The following JAZF1 variants were observed in gnomAD, a reference collection of about 807,000 sequenced individuals.
The protein encoded by JAZF1 is JAZF zinc finger 1.
In JAZF1, 8 loss-of-function variants were observed where a neutral mutation model predicts 26.4. The ratio of observed to expected loss-of-function variants is 0.30; its 90% CI spans 0.18 to 0.55. JAZF1 has a LOEUF of 0.55. Among genes scored for constraint, JAZF1 ranks in the 20% least tolerant of loss-of-function variants. The probability of loss-of-function intolerance (pLI) is 0.94; values close to 1 mark genes in which losing one functional copy is unlikely to be tolerated. For synonymous variants in JAZF1, 126 were observed against 122.3 expected (o/e 1.03, Z -0.20); for missense variants, 199 against 322.0 (o/e 0.62, Z 2.92).
At chr7:28,049,043 T>TCCCTC (rs1417336270) in intron 1 of JAZF1, among the ~76,000 whole-genome samples, 2 of 37,426 alleles carry the variant, frequency 5.3e-5, no homozygotes, top group African/African-American at 2.2e-4. Context: ...TCCCCTTCCC[T>TCCCTC]CCCTCCCCTC....
intron 1 of JAZF1, among the ~76,000 whole-genome samples, chr7:28,063,857 G>A (rs1783837213): frequency 6.6e-6 from 1 of 152,142 alleles, no homozygotes; most frequent in African/African-American, 2.4e-5. Flanking sequence ...GAGGTTGCCT[G>A]AATAAATAGT....
chr7:27,973,827 G>C (rs1304566962), intron 2 of JAZF1, among the ~76,000 whole-genome samples: 1 of 152,170 alleles, frequency 6.6e-6, no homozygotes, highest in East Asian at 1.9e-4. Flanking sequence ...TACAGCTCTA[G>C]TGATGGCAGC....
chr7:28,073,694 C>T (rs1180828550), intron 1 of JAZF1, among the ~76,000 whole-genome samples: 3 of 152,048 alleles, frequency 2.0e-5, no homozygotes, highest in Admixed American at 6.5e-5. Context: ...CTGCCCGGGG[C>T]AGTGCTGGCT....
chr7:27,961,632 A>G (rs1221376918), intron 2 of JAZF1, among the ~76,000 whole-genome samples: 2 of 152,266 alleles, frequency 1.3e-5, no homozygotes, highest in Non-Finnish European at 2.9e-5. Context: ...GAAAGAAGGA[A>G]AAAGGGACAG....
At position 28,092,306 on chromosome 7, in the gene JAZF1, A is replaced by C. The variant is rs995099450; in HGVS notation, c.115+88157T>G. ...GACAAAAGGCAAAAAAAAAAAAAAA[A>C]AAAAAAAAAAAAAAAAAAAACAACT... On this transcript the variant is annotated intron_variant, in intron 1 of 4. Coordinates refer to ENST00000283928, the MANE Select transcript of JAZF1 (RefSeq NM_175061.4). Among the ~76,000 whole-genome samples the C allele has an allele frequency of 1.8e-4, 25 of 139,324 alleles. No homozygotes were observed. The South Asian group carries it at 3.2e-3, about 18-fold the overall frequency. The allele number at this position is 139,324 out of a possible 152,430, so 91.4% of individuals were successfully genotyped here.
At chr7:27,866,851 G>T (rs1783482176) in intron 3 of JAZF1, among the ~76,000 whole-genome samples, 1 of 152,166 alleles carries the variant, frequency 6.6e-6, no homozygotes, top group Non-Finnish European at 1.5e-5. Flanking sequence ...GGAGACCTGG[G>T]GATAAAGAAG....
At chr7:28,039,261 G>A (rs941049071) in intron 1 of JAZF1, among the ~76,000 whole-genome samples, 4 of 151,922 alleles carry the variant, frequency 2.6e-5, no homozygotes, top group African/African-American at 7.3e-5. Flanking sequence ...ACGCACATGC[G>A]CACGTGCATA....
chr7:27,897,938 G>A (rs62451115), intron 2 of JAZF1, among the ~76,000 whole-genome samples: 6,893 of 152,308 alleles, frequency 0.045, 218 homozygotes, highest in South Asian at 0.087. Flanking sequence ...GTTGGCAGAC[G>A]GGGCAATAAC....
intron 2 of JAZF1, among the ~76,000 whole-genome samples, chr7:27,968,099 T>C (rs575690407): frequency 4.5e-4 from 68 of 152,342 alleles, no homozygotes; most frequent in South Asian, 3.5e-3. Context: ...TATAGTTGTA[T>C]GGTATATAAC....
chr7:27,926,119 A>G (rs1784598466), intron 2 of JAZF1, among the ~76,000 whole-genome samples: 1 of 152,210 alleles, frequency 6.6e-6, no homozygotes, highest in South Asian at 2.1e-4. Flanking sequence ...CTCAAGATGG[A>G]GAGGAAGGCT....
intron 2 of JAZF1, among the ~76,000 whole-genome samples, chr7:27,988,920 T>TAAAAAAAAAAAAAAAAAAAAAAAAAA (rs57661404): frequency 1.2e-5 from 1 of 83,770 alleles, no homozygotes; most frequent in Non-Finnish European, 2.2e-5. Flanking sequence ...AGAATCTCTG[T>TAAAAAAAAAAAAAAAAAAAAAAAAAA]AAAAAAAAAA....
At chr7:28,049,043 T>TCCCTCCCCTC (rs1417336270) in intron 1 of JAZF1, among the ~76,000 whole-genome samples, 2 of 37,426 alleles carry the variant, frequency 5.3e-5, no homozygotes, top group South Asian at 1.2e-3. Context: ...TCCCCTTCCC[T>TCCCTCCCCTC]CCCTCCCCTC....
intron 1 of JAZF1, among the ~76,000 whole-genome samples, chr7:28,164,661 C>A (rs557050534): frequency 6.6e-6 from 1 of 152,150 alleles, no homozygotes; most frequent in Non-Finnish European, 1.5e-5. Context: ...ATAGTATCTT[C>A]AGAGGTGGAA....
chr7:28,178,593 T>G (rs1464515056), intron 1 of JAZF1, among the ~76,000 whole-genome samples: 1 of 152,208 alleles, frequency 6.6e-6, no homozygotes, highest in African/African-American at 2.4e-5. Flanking sequence ...GGGGAAGAAC[T>G]TGAACTAGTA....
At chr7:27,834,554 T>A (rs895787552) in intron 4 of JAZF1, among the ~76,000 whole-genome samples, 1 of 152,210 alleles carries the variant, frequency 6.6e-6, no homozygotes, top group African/African-American at 2.4e-5. Context: ...ATAAGGTACT[T>A]CAGTCTTGTT....
chr7:28,034,188 G>A (rs897724357), intron 1 of JAZF1, among the ~76,000 whole-genome samples: 1 of 152,024 alleles, frequency 6.6e-6, no homozygotes, highest in African/African-American at 2.4e-5. Flanking sequence ...ACTGATCCCA[G>A]GCAAAACACA....
Position 27,846,336 on chromosome 7 carries a change from C to T in JAZF1, c.386-5469G>A, listed in dbSNP as rs1007008521. ...TTGTGTGTGTGTGTATACATATGTA[C>T]ACGTATATATACACGTATACGTGTA... On this transcript the variant is annotated intron_variant, in intron 3 of 4. Transcript: ENST00000283928. Among the ~76,000 whole-genome samples the T allele has an allele frequency of 9.8e-5, 14 of 142,928 alleles. No homozygotes were observed. The South Asian group carries it at 2.0e-3, about 20-fold the overall frequency. The allele number at this position is 142,928 out of a possible 152,430, so 93.8% of individuals were successfully genotyped here.
At chr7:27,860,663 A>C (rs897948206) in intron 3 of JAZF1, among the ~76,000 whole-genome samples, 4 of 152,114 alleles carry the variant, frequency 2.6e-5, no homozygotes, top group Non-Finnish European at 5.9e-5. Context: ...AAGCCCAGAG[A>C]GGCAGAGTAT....
At chr7:28,162,208 A>G (rs1025369387) in intron 1 of JAZF1, among the ~76,000 whole-genome samples, 1 of 152,252 alleles carries the variant, frequency 6.6e-6, no homozygotes, top group Non-Finnish European at 1.5e-5. Flanking sequence ...AATTATAGCT[A>G]GGCCATGCTG....
Sources: allele counts gnomAD v4.1 joint callset (sites outside exome capture counted in the v4.1 genomes callset), GRCh38; gene constraint gnomAD v4.1.1; transcripts MANE v1.5; gene names NCBI Gene and HGNC (gene_info 2026-07-23, HGNC 2026-07-21).